Variants in KIAA0586 observed in about 807,000 individuals in gnomAD.
KIAA0586 encodes protein TALPID3.
In KIAA0586, 144 loss-of-function variants were observed where a neutral mutation model predicts 169.8. The ratio of observed to expected loss-of-function variants is 0.85; its 90% confidence interval spans 0.74 to 0.97. KIAA0586 has a LOEUF of 0.97. Ranked by LOEUF, KIAA0586 falls within the 50% of genes least tolerant of loss-of-function variation. The probability of loss-of-function intolerance (pLI) is 0.00; values close to 1 mark genes in which losing one functional copy is unlikely to be tolerated. For synonymous variants in KIAA0586, 625 were observed against 612.4 expected, an observed-to-expected ratio of 1.02 and a Z score of -0.30; for missense variants, 1,854 against 1,823.0, an observed-to-expected ratio of 1.02 and a Z score of -0.31.
At chr14:58,501,197 T>C (rs180675431) in intron 27 of KIAA0586, among the ~76,000 whole-genome samples, 3 of 152,336 alleles carry the variant, frequency 2.0e-5, no homozygotes, top group African/African-American at 7.2e-5. Context: ...TCATATTGAG[T>C]GAACACCTTG....
chr14:58,529,489 A>G (rs1262155302), intron 29 of KIAA0586, among the ~76,000 whole-genome samples: 2 of 152,210 alleles, frequency 1.3e-5, no homozygotes, highest in African/African-American at 4.8e-5. Flanking sequence ...CCAGCAGCAC[A>G]TGAAAAAGCT....
chr14:58,470,077 TGTGTG>T (rs2041087757), intron 16 of KIAA0586, among the ~76,000 whole-genome samples: 1 of 86 alleles, frequency 0.012, no homozygotes, highest in Admixed American at 0.17. Context: ...AGGAAGAAAA[TGTGTG>T]TGTGTGTGTG....
At chr14:58,542,924 G>A (rs1318312160) in intron 30 of KIAA0586, among the ~76,000 whole-genome samples, 1 of 151,476 alleles carries the variant, frequency 6.6e-6, no homozygotes, top group African/African-American at 2.4e-5. Flanking sequence ...GGTGGATCAC[G>A]AGATCAGGAG....
At chr14:58,518,969 T>C (rs2044977986) in intron 29 of KIAA0586, among the ~76,000 whole-genome samples, 1 of 152,156 alleles carries the variant, frequency 6.6e-6, no homozygotes, top group Non-Finnish European at 1.5e-5. Context: ...CCGTCTCTAC[T>C]AAAAATACAA....
chr14:58,492,290 T>C lies in KIAA0586; in HGVS notation c.3990+15T>C, dbSNP rs771772726. ...ATCATTCAGAGGTACTTTTTAACTT[T>C]AATGACTTTTTTTTGGTTAGATCTA... On this transcript the variant is annotated intron_variant, in intron 26 of 30. Transcript: ENST00000652326. The C allele has an allele frequency of 4.6e-6, 7 of 1,533,384 alleles. No individual in the cohort carries two copies. The South Asian group carries it at 5.0e-5, about 11-fold the overall frequency. The allele number at this position is 1,533,384 out of a possible 1,614,324, so 95.0% of individuals were successfully genotyped here.
At chr14:58,514,844 T>C (rs1305043025) in intron 29 of KIAA0586, among the ~76,000 whole-genome samples, 1 of 152,092 alleles carries the variant, frequency 6.6e-6, no homozygotes, top group Admixed American at 6.6e-5. Flanking sequence ...TTTAAAAAAG[T>C]ATTTGAATGG....
intron 27 of KIAA0586, among the ~76,000 whole-genome samples, chr14:58,506,497 G>C (rs1248147707): frequency 1.3e-5 from 2 of 151,874 alleles, no homozygotes; most frequent in African/African-American, 4.8e-5. Context: ...GACCAGCCTG[G>C]CCAATATGGT....
At chr14:58,443,569 G>T (rs774092321) in intron 5 of KIAA0586, among the ~76,000 whole-genome samples, 1 of 151,938 alleles carries the variant, frequency 6.6e-6, no homozygotes, top group Non-Finnish European at 1.5e-5. Flanking sequence ...ACTACAGGCC[G>T]CACGCCACCA....
intron 27 of KIAA0586, among the ~76,000 whole-genome samples, chr14:58,502,954 C>T (rs945244349): frequency 2.0e-5 from 3 of 152,146 alleles, no homozygotes; most frequent in Non-Finnish European, 2.9e-5. Flanking sequence ...TGCCCCTCCC[C>T]ACCCCTGCTA....
At chr14:58,556,696 G>A in the KIAA0586 span, among the ~76,000 whole-genome samples, 6 of 151,998 alleles carry the variant, frequency 3.9e-5, no homozygotes, top group Admixed American at 3.3e-4. Context: ...AGTTTCTTTT[G>A]TAAGTATAAT....
At chr14:58,523,269 C>G (rs1345656847) in intron 29 of KIAA0586, among the ~76,000 whole-genome samples, 1 of 151,938 alleles carries the variant, frequency 6.6e-6, no homozygotes, top group Non-Finnish European at 1.5e-5. Context: ...TATTTGATTT[C>G]CTTTTTGTGG....
rs894814277 is a variant in KIAA0586, at chr14:58,547,918, G to A, written c.4633G>A (p.Ala1545Thr). 7.4e-6 allele frequency: 12 copies of A among 1,613,488 alleles called. No homozygotes were observed. The highest frequency in any genetic ancestry group is 9.3e-6 in the Non-Finnish European group (11 of 1,179,702). ...GCAGGAGGACATGGAGTCTTCGGGG[G>A]CAGATACCTTCTGAACGGGAAGAGA... ...TMQEDMESSG[A>T]DTF The change falls in exon 31 of 31, where the codon GCA becomes ACA. Residue 1545 changes from alanine to threonine, a missense_variant. Physicochemically the swap from Ala to Thr is moderately conservative, Grantham distance 58. Transcript: ENST00000652326.
chr14:58,434,226 G>A (rs760718485), intron 4 of KIAA0586, among the ~76,000 whole-genome samples: 13 of 152,124 alleles, frequency 8.5e-5, no homozygotes, highest in Non-Finnish European at 1.2e-4. Context: ...CATAATGATA[G>A]ACTTAGAAGG....
intron 19 of KIAA0586, among the ~76,000 whole-genome samples, chr14:58,475,570 A>G (rs2041553889): frequency 1.3e-5 from 2 of 152,210 alleles, no homozygotes; most frequent in African/African-American, 4.8e-5. Flanking sequence ...GTTACATATT[A>G]CAATAACAAT....
At chr14:58,440,132 C>G (rs2038190749) in intron 4 of KIAA0586, 1 of 420,654 alleles carries the variant, frequency 2.4e-6, no homozygotes, top group Non-Finnish European at 4.8e-6. Flanking sequence ...GTCTTCCTGC[C>G]TCAGCCTCCC....
intron 15 of KIAA0586, among the ~76,000 whole-genome samples, chr14:58,467,041 C>T (rs1425468632): frequency 1.3e-5 from 2 of 152,022 alleles, no homozygotes; most frequent in African/African-American, 2.4e-5. Context: ...TTTTGATTAA[C>T]AATTTAAGTA....
At position 58,488,727 on chromosome 14, in the gene KIAA0586, G is replaced by T; in HGVS notation, c.3634G>T (p.Ala1212Ser). The T allele has an allele frequency of 4.3e-6, 7 of 1,613,740 alleles. No homozygotes were observed. The highest frequency in any genetic ancestry group is 5.9e-6 in the Non-Finnish European group (7 of 1,179,838). ...TATGCCATTTCCTGCCGGCACCAAG[G>T]CCCCTTCCCCCTCACAGATGCCAGG... ...PFMPFPAGTK[A>S]PSPSQMPGSD... The change falls in exon 24 of 31, where the codon GCC (alanine) becomes TCC (serine). Residue 1212 changes from alanine to serine, a missense_variant. By Grantham distance (99) the Ala-to-Ser change is moderately conservative. Transcript: ENST00000652326.
chr14:58,531,850 G>A (rs1043392894), intron 29 of KIAA0586, among the ~76,000 whole-genome samples: 7 of 152,190 alleles, frequency 4.6e-5, no homozygotes, highest in African/African-American at 1.7e-4. Flanking sequence ...ATAATATGCA[G>A]CCATGTGTAT....
chr14:58,528,102 A>G (rs1486406227), intron 29 of KIAA0586, among the ~76,000 whole-genome samples: 2 of 152,024 alleles, frequency 1.3e-5, no homozygotes, highest in Non-Finnish European at 2.9e-5. Context: ...AAAAAAAGAC[A>G]AAGAAGGTTA....
Sources: gnomAD v4.1 joint callset for allele counts (sites outside exome capture counted in the v4.1 genomes callset) on GRCh38, gnomAD v4.1.1 for gene constraint, MANE v1.5 for transcripts, NCBI Gene and HGNC (gene_info 2026-07-23, HGNC 2026-07-21) for gene names.